DPYD: variants seen among roughly 807,000 people sequenced by gnomAD.
The protein encoded by DPYD is dihydropyrimidine dehydrogenase [NADP(+)].
Under a neutral mutation model 116.2 loss-of-function variants are expected in DPYD, and 109 were observed. The ratio of observed to expected loss-of-function variants is 0.94; its 90% CI spans 0.80 to 1.10. The LOEUF is 1.10. Ranked by LOEUF, DPYD falls within the 50% of genes least tolerant of loss-of-function variation. DPYD has a pLI of 0.00. For synonymous variants in DPYD, 440 were observed against 432.0 expected (o/e 1.02, Z -0.23); for missense variants, 1,302 against 1,254.5 (o/e 1.04, Z -0.57).
At chr1:97,477,682 G>A (rs375830071) in intron 13 of DPYD, among the ~76,000 whole-genome samples, 2 of 143,732 alleles carry the variant, frequency 1.4e-5, no homozygotes, top group East Asian at 2.0e-4. Context: ...CTGCAGTGGC[G>A]CAATCTCGGC....
intron 8 of DPYD, among the ~76,000 whole-genome samples, chr1:97,675,364 A>C (rs902986228): frequency 6.6e-6 from 1 of 152,216 alleles, no homozygotes; most frequent in African/African-American, 2.4e-5. Context: ...ATTACTGTGA[A>C]GATAACAGAC....
At chr1:97,894,795 GTACTT>G (rs769687103) in intron 1 of DPYD, among the ~76,000 whole-genome samples, 1 of 151,328 alleles carries the variant, frequency 6.6e-6, no homozygotes, top group Non-Finnish European at 1.5e-5. Context: ...AACCTATACT[GTACTT>G]TATTTTAAAA....
rs1557861487 is a variant in DPYD at position 97,098,511 on chromosome 1, T to C, written c.2744A>G (p.Lys915Arg). Residue 915 changes from lysine (K) to arginine (R), a missense_variant, in exon 21 of 23, where the codon AAA becomes AGA. Physicochemically the swap from Lys to Arg is conservative, Grantham distance 26. Transcript: ENST00000370192. Reference sequence around the variant, plus strand: ...TACCTTGATGGTAGGAATAGGCCTTTTGGGGATAAAACAGTTTCTCTTAAG... The same window carrying C: ...TACCTTGATGGTAGGAATAGGCCTTCTGGGGATAAAACAGTTTCTCTTAAG... ...SPLKRNCFIP[K>R]RPIPTIKDVI... 6.2e-7 allele frequency: 1 copy of C among 1,612,888 alleles called. No individual in the cohort carries two copies.
At chr1:97,657,777 A>G (rs1659025486) in intron 8 of DPYD, among the ~76,000 whole-genome samples, 1 of 152,184 alleles carries the variant, frequency 6.6e-6, no homozygotes, top group Non-Finnish European at 1.5e-5. Flanking sequence ...ACGTGTTCCA[A>G]TTAGAAATAT....
intron 2 of DPYD, among the ~76,000 whole-genome samples, chr1:97,845,917 G>C (rs1670277864): frequency 6.6e-6 from 1 of 152,184 alleles, no homozygotes; most frequent in Non-Finnish European, 1.5e-5. Context: ...CATGGAGCCG[G>C]GACCTGTACC....
chr1:97,342,803 T>G (rs1334157181), intron 16 of DPYD, among the ~76,000 whole-genome samples: 1 of 152,176 alleles, frequency 6.6e-6, no homozygotes, highest in East Asian at 1.9e-4. Context: ...TTTGAATTGT[T>G]TTTATTTAGT....
intron 20 of DPYD, among the ~76,000 whole-genome samples, chr1:97,103,881 C>T (rs1168113950): frequency 6.6e-6 from 1 of 152,102 alleles, no homozygotes; most frequent in Non-Finnish European, 1.5e-5. Flanking sequence ...GCCTTAACTG[C>T]TTCTATTGCA....
At position 97,724,327 on chromosome 1, in the gene DPYD, T is replaced by G. The variant is rs865774255; in HGVS notation, c.322-2656A>C. 2.4e-3 allele frequency among the ~76,000 whole-genome samples: 226 copies of G among 94,488 alleles called. 4 individuals carry two copies. The highest frequency in any genetic ancestry group is 8.8e-3 in the African/African-American group (210 of 23,916). The allele number at this position is 94,488 out of a possible 152,430, so 62.0% of individuals were successfully genotyped here. On this transcript the variant is annotated intron_variant, in intron 4 of 22. Transcript: ENST00000370192. ...GGGGGGGTGTGTGTGTGTGTGTGTG[T>G]GTGTGTGTGTGTGTGTGTGTGTGTG... is the stretch of plus-strand genomic sequence containing the variant.
At chr1:97,395,707 G>A (rs764662896) in intron 14 of DPYD, among the ~76,000 whole-genome samples, 2 of 152,006 alleles carry the variant, frequency 1.3e-5, no homozygotes. Context: ...TTGGGTGTGC[G>A]CTGATTTTGT....
chr1:97,824,168 T>C (rs1669111751), intron 3 of DPYD, among the ~76,000 whole-genome samples: 1 of 152,208 alleles, frequency 6.6e-6, no homozygotes, highest in Non-Finnish European at 1.5e-5. Flanking sequence ...TTTCTAGGTA[T>C]AAATTATGTC....
chr1:97,191,665 C>T (rs1021678336), intron 20 of DPYD, among the ~76,000 whole-genome samples: 5 of 152,098 alleles, frequency 3.3e-5, no homozygotes, highest in African/African-American at 1.2e-4. Flanking sequence ...CATGACAGTG[C>T]AATGCAGCTA....
In DPYD at chr1:97,255,173, C is replaced by T. The variant is rs369683641; in HGVS notation, c.2300-20179G>A. Among the ~76,000 whole-genome samples, 56 of 152,276 alleles carry T rather than the reference C, an allele frequency of 3.7e-4. 1 individual carries two copies. In the South Asian group the frequency reaches 0.011, roughly 30 times the overall value. ...ATGTCCCCACTTATTAGAGAAGGCTCATGTAATCAAAGTCTTCAGGGAGCA... is the reference window on the plus strand; with the variant it reads ...ATGTCCCCACTTATTAGAGAAGGCTTATGTAATCAAAGTCTTCAGGGAGCA... On this transcript the variant is annotated intron_variant, in intron 18 of 22. Coordinates refer to ENST00000370192, the MANE Select transcript of DPYD (RefSeq NM_000110.4).
chr1:97,914,933 G>A (rs1674141868), intron 1 of DPYD, among the ~76,000 whole-genome samples: 1 of 152,028 alleles, frequency 6.6e-6, no homozygotes, highest in South Asian at 2.1e-4. Context: ...GATTCTAACA[G>A]ACTTCAATAC....
chr1:97,256,953 A>G (rs1013226561), intron 18 of DPYD, among the ~76,000 whole-genome samples: 2 of 151,956 alleles, frequency 1.3e-5, no homozygotes, highest in African/African-American at 4.8e-5. Flanking sequence ...CTGCCCACCC[A>G]CCTTCCCACT....
intron 7 of DPYD, among the ~76,000 whole-genome samples, chr1:97,682,332 T>C (rs543881294): frequency 6.6e-5 from 10 of 151,920 alleles, no homozygotes; most frequent in Admixed American, 1.3e-4. Flanking sequence ...TGGAGGATGG[T>C]CATCACTGGG....
At chr1:97,288,760 C>G (rs1177550211) in intron 18 of DPYD, among the ~76,000 whole-genome samples, 1 of 150,226 alleles carries the variant, frequency 6.7e-6, no homozygotes, top group Non-Finnish European at 1.5e-5. Flanking sequence ...GACACCCTAA[C>G]ATCACAACTA....
At position 97,526,636 on chromosome 1, in the gene DPYD, T is replaced by C. The variant is rs886130883; in HGVS notation, c.1525-10695A>G. ...AAGTAAGAGATTCAGGCTTGGCCAA[T>C]ATTGTGTTAGGTGTCTATTTTATTC... On this transcript the variant is annotated intron_variant, in intron 12 of 22. Transcript: ENST00000370192. Among the ~76,000 whole-genome samples, 10 of 152,236 alleles carry C rather than the reference T, an allele frequency of 6.6e-5. No homozygotes were observed. In the East Asian group the frequency reaches 1.9e-3, roughly 29 times the overall value.
At chr1:97,398,550 A>G (rs1475601382) in intron 14 of DPYD, among the ~76,000 whole-genome samples, 1 of 152,172 alleles carries the variant, frequency 6.6e-6, no homozygotes, top group Non-Finnish European at 1.5e-5. Context: ...GAACTAGTTT[A>G]CAGTCCCACC....
intron 1 of DPYD, among the ~76,000 whole-genome samples, chr1:97,893,663 G>A (rs1672895537): frequency 6.6e-6 from 1 of 151,084 alleles, no homozygotes; most frequent in African/African-American, 2.4e-5. Context: ...CATATCGCCT[G>A]GAATATTTGA....
Sources: gnomAD v4.1 joint callset for allele counts (sites outside exome capture counted in the v4.1 genomes callset) on GRCh38, gnomAD v4.1.1 for gene constraint, MANE v1.5 for transcripts, NCBI Gene and HGNC (gene_info 2026-07-23, HGNC 2026-07-21) for gene names.